RBM20: variants seen among roughly 807,000 people sequenced by gnomAD.
RBM20 encodes the protein RNA-binding protein 20.
In RBM20, 51 loss-of-function variants were observed where a neutral mutation model predicts 110.1. The observed-to-expected ratio is 0.46, with a 90% confidence interval of 0.37 to 0.59. RBM20 has a LOEUF of 0.59. Among genes scored for constraint, RBM20 ranks in the 20% least tolerant of loss-of-function variants. RBM20 has a pLI of 0.00. For missense variants in RBM20, 1,512 were observed against 1,574.9 expected, an observed-to-expected ratio of 0.96 and a Z score of 0.68; for synonymous variants, 589 against 618.2, an observed-to-expected ratio of 0.95 and a Z score of 0.70.
chr10:110,723,189 T>C (rs1050102536), intron 1 of RBM20, among the ~76,000 whole-genome samples: 1 of 152,006 alleles, frequency 6.6e-6, no homozygotes, highest in Admixed American at 6.6e-5. Context: ...ACAGCTTTGA[T>C]GAGATGTAAG....
rs193111168 is a variant in RBM20 at position 110,721,886 on chromosome 10, G to C, written c.192-58915G>C. On this transcript the variant is annotated intron_variant, in intron 1 of 13. Transcript: ENST00000369519. Reference sequence around the variant, plus strand: ...ATGCAGAGCAGGCAGTCTCTGGGGGGATGCATCCAAGACTTTGGGTATTAG... The same window carrying C: ...ATGCAGAGCAGGCAGTCTCTGGGGGCATGCATCCAAGACTTTGGGTATTAG... Among the ~76,000 whole-genome samples the C allele has an allele frequency of 2.6e-5, 4 of 152,238 alleles. No homozygotes were observed. In the East Asian group the frequency reaches 7.7e-4, roughly 29 times the overall value.
chr10:110,757,065 C>G (rs991023875), intron 1 of RBM20, among the ~76,000 whole-genome samples: 1 of 152,198 alleles, frequency 6.6e-6, no homozygotes, highest in African/African-American at 2.4e-5. Context: ...CAAGCTGCCC[C>G]CTCTTTTTCT....
At chr10:110,833,173 G>A (rs1213981157) in intron 13 of RBM20, among the ~76,000 whole-genome samples, 1 of 151,530 alleles carries the variant, frequency 6.6e-6, no homozygotes, top group Non-Finnish European at 1.5e-5. Context: ...GGTGGATCAC[G>A]AGGTCAGGAA....
At chr10:110,747,375 G>A (rs1843795583) in intron 1 of RBM20, among the ~76,000 whole-genome samples, 2 of 151,676 alleles carry the variant, frequency 1.3e-5, no homozygotes, top group African/African-American at 4.8e-5. Flanking sequence ...CACAGATCCT[G>A]CCCAGGCTCA....
intron 1 of RBM20, among the ~76,000 whole-genome samples, chr10:110,673,567 G>A (rs1343892169): frequency 6.6e-6 from 1 of 152,206 alleles, no homozygotes; most frequent in East Asian, 1.9e-4. Flanking sequence ...CTGTGCTTAA[G>A]TGTTTATTTC....
intron 1 of RBM20, among the ~76,000 whole-genome samples, chr10:110,708,229 C>T (rs1862870375): frequency 6.6e-6 from 1 of 152,124 alleles, no homozygotes; most frequent in Non-Finnish European, 1.5e-5. Flanking sequence ...AACAAGGGCC[C>T]CACATTTTCA....
chr10:110,697,384 A>G (rs17761619), intron 1 of RBM20, among the ~76,000 whole-genome samples: 15,610 of 152,210 alleles, frequency 0.1, 930 homozygotes, highest in African/African-American at 0.12. Context: ...CTGCCTTTAA[A>G]TATGGTTTTG....
intron 1 of RBM20, among the ~76,000 whole-genome samples, chr10:110,758,167 C>T (rs11195308): frequency 0.087 from 13,152 of 151,592 alleles, 1,119 homozygotes; most frequent in East Asian, 0.45. Flanking sequence ...TAGAGGTGTG[C>T]ACCACCACAC....
intron 1 of RBM20, among the ~76,000 whole-genome samples, chr10:110,729,442 C>T (rs1379294781): frequency 1.3e-5 from 2 of 152,208 alleles, no homozygotes; most frequent in Non-Finnish European, 2.9e-5. Context: ...GGTTCACACC[C>T]TCTTATTTAC....
At chr10:110,770,348 T>C (rs1424032180) in intron 1 of RBM20, among the ~76,000 whole-genome samples, 4 of 152,212 alleles carry the variant, frequency 2.6e-5, no homozygotes, top group African/African-American at 7.2e-5. Context: ...TTCTGTGTCA[T>C]GAATAACTGC....
At chr10:110,732,020 A>G (rs1456211154) in intron 1 of RBM20, among the ~76,000 whole-genome samples, 2 of 152,044 alleles carry the variant, frequency 1.3e-5, no homozygotes, top group Non-Finnish European at 2.9e-5. Context: ...TGTCTCCTCA[A>G]TCTTCTCACC....
chr10:110,829,633 T>TGAC (rs1328365079), intron 12 of RBM20, among the ~76,000 whole-genome samples: 1 of 152,208 alleles, frequency 6.6e-6, no homozygotes, highest in Non-Finnish European at 1.5e-5. Context: ...AAAGTTCTAA[T>TGAC]GACAAGTCTA....
At chr10:110,683,300 T>C (rs1862449145) in intron 1 of RBM20, among the ~76,000 whole-genome samples, 1 of 152,230 alleles carries the variant, frequency 6.6e-6, no homozygotes, top group Admixed American at 6.5e-5. Context: ...ATTTTTTGGC[T>C]CAAAGCACTG....
intron 13 of RBM20, among the ~76,000 whole-genome samples, chr10:110,832,747 AC>A (rs756706272): frequency 1.9e-4 from 29 of 152,208 alleles, no homozygotes; most frequent in Non-Finnish European, 4.0e-4. Context: ...GGCCTGGGTC[AC>A]CATGTGCAGA....
intron 1 of RBM20, among the ~76,000 whole-genome samples, chr10:110,768,691 G>T (rs570894904): frequency 6.6e-6 from 1 of 152,166 alleles, no homozygotes; most frequent in Non-Finnish European, 1.5e-5. Context: ...AGCCACATAG[G>T]CACTTGGGAG....
intron 1 of RBM20, among the ~76,000 whole-genome samples, chr10:110,700,877 T>C (rs1862747173): frequency 6.6e-6 from 1 of 152,090 alleles, no homozygotes. Context: ...TAGCCAGCCA[T>C]GATAGCGGGT....
Position 110,821,403 on chromosome 10 carries a change from G to A in RBM20, c.2784G>A (p.Glu928=), listed in dbSNP as rs397516609. The change falls in exon 11 of 14, where the codon GAG becomes GAA. Residue 928 remains glutamate (E), a synonymous_variant. Transcript: ENST00000369519. ...EDFIVEPDIP[E]LEEIVPIDQK... The stretch of plus-strand genomic sequence containing the variant: ...TTATCGTGGAACCAGACATCCCAGA[G>A]CTGGAAGAAATTGTGCCCATTGACC... The A allele has an allele frequency of 6.4e-7, 1 of 1,551,780 alleles. No individual in the cohort carries two copies.
chr10:110,679,878 A>G (rs10749044), intron 1 of RBM20, among the ~76,000 whole-genome samples: 103,981 of 152,158 alleles, frequency 0.68, 37,717 homozygotes, highest in Non-Finnish European at 0.8. Flanking sequence ...CCACAGCGGC[A>G]TTCACTTGGT....
rs534198202 is a variant in RBM20, at chr10:110,710,241, C to T, written c.191+65596C>T. Reference sequence around the variant, plus strand: ...TTCCTTTGTATTTGAGGTGGGTTTTCGCGCAACAAGCTGGTGGTCATGCTG... The same window carrying T: ...TTCCTTTGTATTTGAGGTGGGTTTTTGCGCAACAAGCTGGTGGTCATGCTG... On this transcript the variant is annotated intron_variant, in intron 1 of 13. Transcript: ENST00000369519. Among the ~76,000 whole-genome samples, 5 of 152,238 alleles carry T rather than the reference C, an allele frequency of 3.3e-5. No homozygotes were observed. The East Asian group carries it at 5.8e-4, about 18-fold the overall frequency.
Sources: gnomAD v4.1 joint callset for allele counts (sites outside exome capture counted in the v4.1 genomes callset) on GRCh38, gnomAD v4.1.1 for gene constraint, MANE v1.5 for transcripts, NCBI Gene and HGNC (gene_info 2026-07-23, HGNC 2026-07-21) for gene names.